The following SHROOM3 variants were observed in gnomAD, a reference collection of about 807,000 sequenced individuals.
SHROOM3 encodes the protein protein Shroom3.
Under a neutral mutation model 138.6 loss-of-function variants are expected in SHROOM3, and 47 were observed. That is an observed-to-expected ratio of 0.34 (90% CI 0.27 to 0.43). The LOEUF (loss-of-function observed/expected upper bound fraction) is 0.43, where lower values mean the gene tolerates loss of function less well. Ranked by LOEUF, SHROOM3 falls within the 20% of genes least tolerant of loss-of-function variation. The pLI is 1.00. For missense variants in SHROOM3, 2,491 were observed against 2,596.5 expected (o/e 0.96, Z 0.88); for synonymous variants, 1,062 against 1,063.3 (o/e 1.00, Z 0.02).
chr4:76,627,622 A>C (rs1004685350), intron 2 of SHROOM3, among the ~76,000 whole-genome samples: 1 of 152,018 alleles, frequency 6.6e-6, no homozygotes, highest in Middle Eastern at 3.4e-3. Flanking sequence ...TATGATTATC[A>C]TAGGTTTAAA....
At chr4:76,769,693 C>G (rs1434542336) in intron 9 of SHROOM3, among the ~76,000 whole-genome samples, 1 of 152,188 alleles carries the variant, frequency 6.6e-6, no homozygotes, top group Non-Finnish European at 1.5e-5. Flanking sequence ...AGGGTGGCCC[C>G]TAAAGTGAGG....
chr4:76,488,663 G>A (rs1182412337), intron 1 of SHROOM3, among the ~76,000 whole-genome samples: 1 of 152,192 alleles, frequency 6.6e-6, no homozygotes, highest in African/African-American at 2.4e-5. Context: ...TGAAAAGAGA[G>A]CCTTGGGGAA....
intron 1 of SHROOM3, among the ~76,000 whole-genome samples, chr4:76,465,053 A>T (rs560202867): frequency 6.6e-6 from 1 of 152,230 alleles, no homozygotes; most frequent in Non-Finnish European, 1.5e-5. Context: ...ATTCACAACC[A>T]TTATATAGAA....
intron 2 of SHROOM3, among the ~76,000 whole-genome samples, chr4:76,574,356 A>G (rs956101298): frequency 6.6e-6 from 1 of 152,160 alleles, no homozygotes; most frequent in Non-Finnish European, 1.5e-5. Flanking sequence ...TCTGGAAAAT[A>G]CAAATTCCCA....
At chr4:76,447,524 T>C (rs967756910) in intron 1 of SHROOM3, among the ~76,000 whole-genome samples, 2 of 152,154 alleles carry the variant, frequency 1.3e-5, no homozygotes, top group African/African-American at 4.8e-5. Context: ...GAAATAAATA[T>C]ACATGTTGGG....
chr4:76,472,548 T>C (rs1057269254), intron 1 of SHROOM3, among the ~76,000 whole-genome samples: 1 of 152,148 alleles, frequency 6.6e-6, no homozygotes, highest in Non-Finnish European at 1.5e-5. Context: ...AATAATAAAG[T>C]TATGCATCTA....
At chr4:76,555,522 G>A in intron 1 of SHROOM3, 87 bp from the exon 2 acceptor site, 2 of 1,591,052 alleles carry the variant, frequency 1.3e-6, no homozygotes, top group Non-Finnish European at 1.7e-6. Context: ...GGCTCTGCAG[G>A]AGTCTAAGCT....
chr4:76,588,502 T>C (rs1329455902), intron 2 of SHROOM3, among the ~76,000 whole-genome samples: 2 of 152,112 alleles, frequency 1.3e-5, no homozygotes, highest in Admixed American at 6.5e-5. Flanking sequence ...CCTAGACACA[T>C]GCTGTGCACC....
chr4:76,453,138 A>T (rs1255473353), intron 1 of SHROOM3, among the ~76,000 whole-genome samples: 1 of 152,190 alleles, frequency 6.6e-6, no homozygotes, highest in Non-Finnish European at 1.5e-5. Flanking sequence ...TTCTAAGTTT[A>T]ATTTTATAAA....
At chr4:76,655,520 G>C (rs1299825862) in intron 2 of SHROOM3, among the ~76,000 whole-genome samples, 1 of 152,208 alleles carries the variant, frequency 6.6e-6, no homozygotes, top group Non-Finnish European at 1.5e-5. Flanking sequence ...TGGGCTAAAA[G>C]TGGAAAGTTA....
intron 1 of SHROOM3, among the ~76,000 whole-genome samples, chr4:76,528,718 A>G (rs1732759191): frequency 6.6e-6 from 1 of 151,776 alleles, no homozygotes; most frequent in African/African-American, 2.4e-5. Context: ...ACGCCTAGCT[A>G]ATTTTTGTAT....
At chr4:76,504,376 C>T (rs566335410) in intron 1 of SHROOM3, among the ~76,000 whole-genome samples, 15 of 152,230 alleles carry the variant, frequency 9.9e-5, no homozygotes, top group Non-Finnish European at 1.5e-4. Context: ...TCAGGCTGGT[C>T]GTGAACACCT....
In SHROOM3 at chr4:76,691,376, A is replaced by T. The variant is rs78532019; in HGVS notation, c.324-18780A>T. ...TCTAAAATTTGTTTAGAATTCCTCA[A>T]TTTTGACCTGGGACCAGGTCCTCTG... is the stretch of plus-strand genomic sequence containing the variant. On this transcript the variant is annotated intron_variant, in intron 2 of 10. Transcript: ENST00000296043. 1.3e-3 allele frequency among the ~76,000 whole-genome samples: 198 copies of T among 152,276 alleles called. 2 individuals carry two copies. In the East Asian group the frequency reaches 0.037, roughly 28 times the overall value.
At chr4:76,470,998 G>T (rs560847096) in intron 1 of SHROOM3, among the ~76,000 whole-genome samples, 2 of 152,118 alleles carry the variant, frequency 1.3e-5, no homozygotes, top group Non-Finnish European at 2.9e-5. Context: ...TAGGGGGTGT[G>T]TGTGTGTGAG....
intron 1 of SHROOM3, among the ~76,000 whole-genome samples, chr4:76,454,894 T>G (rs747660223): frequency 6.6e-6 from 1 of 152,206 alleles, no homozygotes; most frequent in Non-Finnish European, 1.5e-5. Context: ...TTACTAAGCA[T>G]TTTATTCTTT....
intron 6 of SHROOM3, among the ~76,000 whole-genome samples, chr4:76,753,898 A>C (rs1230160302): frequency 6.6e-6 from 1 of 151,520 alleles, no homozygotes; most frequent in Admixed American, 6.5e-5. Context: ...CTGGGAGAGA[A>C]GAAGGCAGCA....
chr4:76,656,726 G>A (rs907343791), intron 2 of SHROOM3, among the ~76,000 whole-genome samples: 4 of 152,204 alleles, frequency 2.6e-5, no homozygotes, highest in Non-Finnish European at 5.9e-5. Flanking sequence ...GCCAGTAGAC[G>A]TGGATCTGTA....
chr4:76,533,873 G>A (rs73826226), intron 1 of SHROOM3, among the ~76,000 whole-genome samples: 4,359 of 152,252 alleles, frequency 0.029, 213 homozygotes, highest in African/African-American at 0.097. Context: ...ACACACTCCC[G>A]TGTCTCGAGT....
intron 6 of SHROOM3, among the ~76,000 whole-genome samples, chr4:76,750,023 A>G (rs747376220): frequency 2.6e-5 from 4 of 152,136 alleles, no homozygotes; most frequent in Admixed American, 6.5e-5. Flanking sequence ...CACCTTCTTA[A>G]TAACACAACC....
Sources: gnomAD v4.1 joint callset for allele counts (sites outside exome capture counted in the v4.1 genomes callset) on GRCh38, gnomAD v4.1.1 for gene constraint, MANE v1.5 for transcripts, NCBI Gene and HGNC (gene_info 2026-07-23, HGNC 2026-07-21) for gene names.